CACNA2D3: variants seen among roughly 807,000 people sequenced by gnomAD.
The protein encoded by CACNA2D3 is calcium voltage-gated channel auxiliary subunit alpha2delta 3.
In CACNA2D3, 60 loss-of-function variants were observed where a neutral mutation model predicts 160.6. The observed-to-expected ratio is 0.37, with a 90% CI of 0.30 to 0.46. CACNA2D3 has a LOEUF of 0.46. CACNA2D3 is among the 20% of genes least tolerant of loss of function. The pLI is 1.00. For missense variants in CACNA2D3, 1,205 were observed against 1,365.0 expected (o/e 0.88, Z 1.85); for synonymous variants, 558 against 492.9 (o/e 1.13, Z -1.75).
chr3:54,494,337 T>G (rs1701169338), intron 4 of CACNA2D3, among the ~76,000 whole-genome samples: 1 of 152,084 alleles, frequency 6.6e-6, no homozygotes, highest in South Asian at 2.1e-4. Context: ...ACAAATGGGT[T>G]TGGGGAGGAG....
intron 2 of CACNA2D3, among the ~76,000 whole-genome samples, chr3:54,245,283 T>A (rs1702050847): frequency 6.6e-6 from 1 of 151,944 alleles, no homozygotes; most frequent in Admixed American, 6.6e-5. Context: ...TTTTTTAACA[T>A]TGTATGTAAG....
intron 31 of CACNA2D3, among the ~76,000 whole-genome samples, chr3:54,990,194 C>T (rs1702708326): frequency 6.6e-6 from 1 of 152,134 alleles, no homozygotes; most frequent in South Asian, 2.1e-4. Flanking sequence ...ACCGGGCTGG[C>T]CCTCAGTTTC....
At chr3:54,691,687 G>A (rs759012869) in intron 11 of CACNA2D3, among the ~76,000 whole-genome samples, 2 of 152,210 alleles carry the variant, frequency 1.3e-5, no homozygotes, top group Non-Finnish European at 2.9e-5. Context: ...AGACCCCAGT[G>A]GCTTGGAGAG....
intron 27 of CACNA2D3, among the ~76,000 whole-genome samples, chr3:54,959,031 G>T (rs1296608404): frequency 6.6e-6 from 1 of 151,978 alleles, no homozygotes; most frequent in Non-Finnish European, 1.5e-5. Context: ...AGCCTGGGAG[G>T]TCGAGGCTGC....
chr3:54,211,463 T>C (rs1175737502), intron 2 of CACNA2D3, among the ~76,000 whole-genome samples: 2 of 152,132 alleles, frequency 1.3e-5, no homozygotes, highest in African/African-American at 4.8e-5. Flanking sequence ...GAAGTGAAAA[T>C]GTAGGGATAA....
chr3:54,865,727 A>G lies in CACNA2D3; in HGVS notation c.1627-5812A>G, dbSNP rs985886950. 1.1e-4 allele frequency among the ~76,000 whole-genome samples: 17 copies of G among 152,334 alleles called. No individual in the cohort carries two copies. In the East Asian group the frequency reaches 2.9e-3, roughly 26 times the overall value. The stretch of plus-strand genomic sequence containing the variant: ...AACTTCCTCCCTAGGGGTGAGCTGC[A>G]TGGGGGCAGGGGCTGCTGCATCTCA... On this transcript the variant is annotated intron_variant, in intron 17 of 37. Transcript: ENST00000474759.
chr3:54,574,352 C>T (rs986367509), intron 8 of CACNA2D3, among the ~76,000 whole-genome samples: 1 of 152,038 alleles, frequency 6.6e-6, no homozygotes, highest in African/African-American at 2.4e-5. Flanking sequence ...CACTTAAGTT[C>T]GTCTTTCGGT....
intron 25 of CACNA2D3, chr3:54,894,611 A>T (rs1408688769): frequency 7.7e-6 from 4 of 516,286 alleles, no homozygotes; most frequent in Non-Finnish European, 1.5e-5. Flanking sequence ...CACTGAACAG[A>T]CCTGCTGGGA....
At chr3:54,202,279 C>T (rs1701192989) in intron 2 of CACNA2D3, among the ~76,000 whole-genome samples, 1 of 152,218 alleles carries the variant, frequency 6.6e-6, no homozygotes, top group Non-Finnish European at 1.5e-5. Flanking sequence ...TCCCCTTTGA[C>T]CCTGCAACTC....
intron 11 of CACNA2D3, among the ~76,000 whole-genome samples, chr3:54,751,055 C>T (rs1226714975): frequency 3.9e-5 from 6 of 152,074 alleles, no homozygotes; most frequent in Non-Finnish European, 8.8e-5. Flanking sequence ...CAGGTGTGAG[C>T]CACTGCGCTC....
At chr3:54,164,240 G>C (rs565503823) in intron 2 of CACNA2D3, among the ~76,000 whole-genome samples, 1 of 152,302 alleles carries the variant, frequency 6.6e-6, no homozygotes, top group South Asian at 2.1e-4. Context: ...TGTGGGGCCT[G>C]ACTGCACGTA....
chr3:54,693,911 A>G (rs1700611355), intron 11 of CACNA2D3, among the ~76,000 whole-genome samples: 1 of 152,354 alleles, frequency 6.6e-6, no homozygotes, highest in South Asian at 2.1e-4. Flanking sequence ...CAGAAGAATC[A>G]AAAGGTTAAA....
chr3:54,213,094 C>A (rs1701404435), intron 2 of CACNA2D3, among the ~76,000 whole-genome samples: 1 of 152,080 alleles, frequency 6.6e-6, no homozygotes, highest in Non-Finnish European at 1.5e-5. Flanking sequence ...GACCAATAAA[C>A]CAGATGACCC....
intron 2 of CACNA2D3, among the ~76,000 whole-genome samples, chr3:54,240,361 T>C (rs1023191012): frequency 1.3e-5 from 2 of 152,158 alleles, no homozygotes; most frequent in Non-Finnish European, 2.9e-5. Flanking sequence ...TCTGTTTCCT[T>C]CCAACCTTCC....
intron 27 of CACNA2D3, among the ~76,000 whole-genome samples, chr3:54,914,657 A>G (rs1054088484): frequency 2.0e-5 from 3 of 152,220 alleles, no homozygotes; most frequent in African/African-American, 4.8e-5. Flanking sequence ...GCTTCTCTGA[A>G]TGGGGTAGGG....
chr3:54,725,127 A>T (rs963369520), intron 11 of CACNA2D3, among the ~76,000 whole-genome samples: 3 of 152,262 alleles, frequency 2.0e-5, no homozygotes, highest in African/African-American at 7.2e-5. Flanking sequence ...AGAGAATACT[A>T]TAAACACCTC....
At chr3:54,251,850 A>G (rs2107425048) in intron 2 of CACNA2D3, among the ~76,000 whole-genome samples, 1 of 152,346 alleles carries the variant, frequency 6.6e-6, no homozygotes, top group East Asian at 1.9e-4. Context: ...ACTGTCATAA[A>G]ACGATTTCAC....
chr3:54,389,848 C>T (rs1333720235), intron 4 of CACNA2D3, among the ~76,000 whole-genome samples: 2 of 152,196 alleles, frequency 1.3e-5, no homozygotes, highest in African/African-American at 2.4e-5. Context: ...TGATCCTGAA[C>T]TGGATCCTGA....
Position 54,265,530 on chromosome 3 carries a change from A to G in CACNA2D3, c.205-54912A>G, listed in dbSNP as rs914099610. ...GCACATGTATCCCAGAACTTAAAGTATGTGTGTGTGTGTGTGTGTGTGTGT... is the reference window on the plus strand; with the variant it reads ...GCACATGTATCCCAGAACTTAAAGTGTGTGTGTGTGTGTGTGTGTGTGTGT... On this transcript the variant is annotated intron_variant, in intron 2 of 37. Coordinates refer to ENST00000474759, the MANE Select transcript of CACNA2D3 (RefSeq NM_018398.3). 5.5e-4 allele frequency among the ~76,000 whole-genome samples: 74 copies of G among 134,854 alleles called. 1 individual carries two copies. Among genetic ancestry groups the G allele is most frequent in the African/African-American group, 1.8e-3 (62 of 33,678 alleles). 88.5% of individuals were successfully genotyped at this position (134,854 alleles called of 152,430 possible). A position where few individuals can be genotyped will look rare whatever the true frequency, so the allele number is the denominator to read the frequency against.
Sources: gnomAD v4.1 joint callset for allele counts (sites outside exome capture counted in the v4.1 genomes callset) on GRCh38, gnomAD v4.1.1 for gene constraint, MANE v1.5 for transcripts, NCBI Gene and HGNC (gene_info 2026-07-23, HGNC 2026-07-21) for gene names.